Variants in AP2B1 observed in about 807,000 individuals in gnomAD.
The protein encoded by AP2B1 is adaptor related protein complex 2 subunit beta 1, also known as AP-2 complex subunit beta.
A neutral mutation model predicts 102.0 loss-of-function variants in AP2B1; 23 were observed. The ratio of observed to expected loss-of-function variants is 0.23; its 90% CI spans 0.16 to 0.32. AP2B1 has a LOEUF of 0.32. AP2B1 is among the 10% of genes least tolerant of loss of function. AP2B1 has a pLI of 1.00. For synonymous variants in AP2B1, 381 were observed against 421.2 expected (o/e 0.90, Z 1.17); for missense variants, 541 against 1,157.4 (o/e 0.47, Z 7.73).
In AP2B1 at chr17:35,725,496, A is replaced by G. The variant is rs1050584284; in HGVS notation, c.*1797A>G. 5 of 152,190 alleles carry G rather than the reference A, an allele frequency of 3.3e-5. No homozygotes were observed. Among genetic ancestry groups the G allele is most frequent in the African/African-American group, 1.2e-4 (5 of 41,450 alleles). The allele number at this position is 152,190 out of a possible 1,614,324, so 9.4% of individuals were successfully genotyped here. A position where few individuals can be genotyped will look rare whatever the true frequency, so the allele number is the denominator to read the frequency against. ...TGCAAAGCTTGTGGGGAGCGGTCCCACAAAGCACTTTCTTAAACCTTGAGA... is the reference window on the plus strand; with the variant it reads ...TGCAAAGCTTGTGGGGAGCGGTCCCGCAAAGCACTTTCTTAAACCTTGAGA... On this transcript the variant is annotated 3_prime_UTR_variant, in exon 22 of 22. Transcript: ENST00000610402.
intron 11 of AP2B1, among the ~76,000 whole-genome samples, chr17:35,641,099 G>T (rs2074767350): frequency 1.3e-5 from 2 of 152,150 alleles, no homozygotes; most frequent in African/African-American, 2.4e-5. Flanking sequence ...CAATAGCTTT[G>T]TGGTTTAGCA....
chr17:35,596,249 A>G (rs991086804), intron 2 of AP2B1, among the ~76,000 whole-genome samples: 3 of 152,196 alleles, frequency 2.0e-5, no homozygotes, highest in Admixed American at 2.0e-4. Context: ...TGTTCCCGGA[A>G]GTGAATGAGA....
At chr17:35,694,181 T>A (rs993018951) in intron 18 of AP2B1, among the ~76,000 whole-genome samples, 1 of 152,202 alleles carries the variant, frequency 6.6e-6, no homozygotes, top group African/African-American at 2.4e-5. Flanking sequence ...TTAATCACTT[T>A]AACTGATAGT....
At chr17:35,651,574 A>C (rs1340269051) in intron 13 of AP2B1, among the ~76,000 whole-genome samples, 1 of 152,132 alleles carries the variant, frequency 6.6e-6, no homozygotes, top group East Asian at 1.9e-4. Context: ...TCTATTAATG[A>C]GTGTCTTGTA....
At chr17:35,617,973 T>C (rs1189373641) in intron 5 of AP2B1, among the ~76,000 whole-genome samples, 1 of 151,924 alleles carries the variant, frequency 6.6e-6, no homozygotes, top group East Asian at 1.9e-4. Flanking sequence ...TGAATTTTAT[T>C]TTTTGTAAAC....
At chr17:35,590,465 A>G (rs1435289037) in intron 1 of AP2B1, among the ~76,000 whole-genome samples, 3 of 152,128 alleles carry the variant, frequency 2.0e-5, no homozygotes, top group Admixed American at 6.6e-5. Flanking sequence ...TGCAACAATC[A>G]TGTCTTCTGA....
intron 18 of AP2B1, among the ~76,000 whole-genome samples, chr17:35,689,859 G>A (rs2076007070): frequency 6.6e-6 from 1 of 152,224 alleles, no homozygotes; most frequent in African/African-American, 2.4e-5. Context: ...GTGCCAATCT[G>A]TAGGCTCCTC....
intron 18 of AP2B1, among the ~76,000 whole-genome samples, chr17:35,697,993 T>C (rs1349498960): frequency 6.6e-6 from 1 of 152,208 alleles, no homozygotes; most frequent in Non-Finnish European, 1.5e-5. Context: ...CTTTTAGCAA[T>C]AGATATTCAT....
chr17:35,674,075 T>C lies in AP2B1; in HGVS notation c.2179-101T>C, dbSNP rs891636706. The C allele has an allele frequency of 4.9e-6, 6 of 1,220,854 alleles. No individual in the cohort carries two copies. The African/African-American group carries it at 7.6e-5, about 15-fold the overall frequency. The allele number at this position is 1,220,854 out of a possible 1,614,324, so 75.6% of individuals were successfully genotyped here. A position where few individuals can be genotyped will look rare whatever the true frequency, so the allele number is the denominator to read the frequency against. On this transcript the variant is annotated intron_variant, in intron 16 of 21. Coordinates refer to ENST00000610402, the MANE Select transcript of AP2B1 (RefSeq NM_001030006.2). ...TAATTGCCTAAGGAAGTGAATTTGT[T>C]CACTTAATTGTTAATCTTAATTTGT...
intron 18 of AP2B1, among the ~76,000 whole-genome samples, chr17:35,701,636 T>G (rs1025577881): frequency 6.6e-6 from 1 of 152,234 alleles, no homozygotes; most frequent in African/African-American, 2.4e-5. Context: ...AGGATCTCAC[T>G]CTGTTGCCCA....
chr17:35,633,885 A>T (rs1160033372), intron 9 of AP2B1, among the ~76,000 whole-genome samples: 1 of 152,110 alleles, frequency 6.6e-6, no homozygotes, highest in East Asian at 1.9e-4. Context: ...TGTGGCTCAC[A>T]CCTGTAATAC....
chr17:35,618,789 G>A (rs1323877526), intron 5 of AP2B1, among the ~76,000 whole-genome samples: 1 of 151,978 alleles, frequency 6.6e-6, no homozygotes, highest in Non-Finnish European at 1.5e-5. Flanking sequence ...ACAAAATGAG[G>A]TCAAATTTAT....
At chr17:35,646,355 G>T (rs2074932584) in intron 12 of AP2B1, among the ~76,000 whole-genome samples, 1 of 151,350 alleles carries the variant, frequency 6.6e-6, no homozygotes, top group African/African-American at 2.4e-5. Context: ...GCTTACAGTA[G>T]GCCTAACAGG....
At chr17:35,712,356 C>T (rs1182187751) in intron 20 of AP2B1, among the ~76,000 whole-genome samples, 1 of 152,178 alleles carries the variant, frequency 6.6e-6, no homozygotes, top group Non-Finnish European at 1.5e-5. Flanking sequence ...GGGCCGGGCA[C>T]AGTGGCTCAT....
chr17:35,646,741 A>G (rs1446472808), intron 12 of AP2B1, among the ~76,000 whole-genome samples: 1 of 151,930 alleles, frequency 6.6e-6, no homozygotes, highest in Non-Finnish European at 1.5e-5. Context: ...GACATCTGCC[A>G]CCATGCCTGG....
chr17:35,656,623 C>T (rs557541430), intron 13 of AP2B1, among the ~76,000 whole-genome samples: 102 of 152,266 alleles, frequency 6.7e-4, no homozygotes, highest in Middle Eastern at 3.4e-3. Flanking sequence ...TGGCCGGGTG[C>T]GGTGGCTCAC....
intron 18 of AP2B1, among the ~76,000 whole-genome samples, chr17:35,699,614 A>G (rs1033451323): frequency 2.0e-5 from 3 of 152,246 alleles, no homozygotes; most frequent in African/African-American, 7.2e-5. Flanking sequence ...CACTGGAAGG[A>G]AAGTCAATTG....
At chr17:35,590,761 C>T (rs368640261) in intron 1 of AP2B1, among the ~76,000 whole-genome samples, 4 of 152,032 alleles carry the variant, frequency 2.6e-5, no homozygotes, top group African/African-American at 9.7e-5. Flanking sequence ...TTAATGCTCA[C>T]AGTGAACAGG....
intron 17 of AP2B1, among the ~76,000 whole-genome samples, chr17:35,681,657 C>T (rs2075824982): frequency 6.6e-6 from 1 of 152,156 alleles, no homozygotes; most frequent in Admixed American, 6.5e-5. Flanking sequence ...CCTGCCTCAG[C>T]CTCCCAAAGT....
Sources: allele counts gnomAD v4.1 joint callset (sites outside exome capture counted in the v4.1 genomes callset), GRCh38; gene constraint gnomAD v4.1.1; transcripts MANE v1.5; gene names NCBI Gene and HGNC (gene_info 2026-07-23, HGNC 2026-07-21).